DNAH7: variants seen among roughly 807,000 people sequenced by gnomAD.
The protein encoded by DNAH7 is axonemal beta dynein heavy chain 7.
A neutral mutation model predicts 444.6 loss-of-function variants in DNAH7; 397 were observed. The observed-to-expected ratio is 0.89, with a 90% CI of 0.82 to 0.97. The LOEUF is 0.97. Ranked by LOEUF, DNAH7 falls within the 50% of genes least tolerant of loss-of-function variation. The pLI is 0.00. For missense variants in DNAH7, 4,902 were observed against 4,800.8 expected, an observed-to-expected ratio of 1.02 and a Z score of -0.62; for synonymous variants, 1,636 against 1,624.4, an observed-to-expected ratio of 1.01 and a Z score of -0.17.
chr2:195,872,929 A>G (rs1700806476), intron 39 of DNAH7, among the ~76,000 whole-genome samples: 1 of 150,488 alleles, frequency 6.6e-6, no homozygotes, highest in Admixed American at 6.6e-5. Context: ...AAATAAGGAA[A>G]AGAGAAAAAA....
intron 6 of DNAH7, 112 bp downstream of exon 6, chr2:196,027,848 A>G (rs1695786162): frequency 8.0e-6 from 7 of 880,408 alleles, no homozygotes; most frequent in African/African-American, 6.9e-5. Flanking sequence ...ATTTATTCCT[A>G]TGTCCACAGA....
intron 15 of DNAH7, among the ~76,000 whole-genome samples, chr2:195,982,450 T>C (rs1353742887): frequency 6.6e-6 from 1 of 152,128 alleles, no homozygotes; most frequent in Non-Finnish European, 1.5e-5. Flanking sequence ...AAACTGAAGT[T>C]ACCATATGAT....
At chr2:195,957,839 T>C (rs1375850373) in intron 18 of DNAH7, among the ~76,000 whole-genome samples, 2 of 152,172 alleles carry the variant, frequency 1.3e-5, no homozygotes, top group African/African-American at 4.8e-5. Flanking sequence ...GTATATGTCA[T>C]AGCAATAAAC....
intron 3 of DNAH7, 59 bp from the exon 4 acceptor site, chr2:196,048,463 T>C: frequency 7.1e-7 from 1 of 1,407,468 alleles, no homozygotes. Context: ...CCTTTTTCCA[T>C]GAAATGCACG....
In DNAH7 at chr2:195,775,713, A is replaced by AT. The variant is rs1221792540; in HGVS notation, c.11202+132dup. On this transcript the variant is annotated intron_variant, in intron 60 of 64. Transcript: ENST00000312428. The stretch of plus-strand genomic sequence containing the variant: ...AAATCCTTATTTAAGTTATGTATGT[A>AT]TTTTTGTCTTTTCCTTTAAATGTTT... 3.1e-6 allele frequency: 3 copies of AT among 961,484 alleles called. No individual in the cohort carries two copies. In the African/African-American group the frequency reaches 5.1e-5, roughly 16 times the overall value. The allele number at this position is 961,484 out of a possible 1,614,324, so 59.6% of individuals were successfully genotyped here. A position where few individuals can be genotyped will look rare whatever the true frequency, so the allele number is the denominator to read the frequency against.
At chr2:196,033,345 A>G (rs1169007932) in intron 5 of DNAH7, among the ~76,000 whole-genome samples, 3 of 152,210 alleles carry the variant, frequency 2.0e-5, no homozygotes, top group Non-Finnish European at 4.4e-5. Flanking sequence ...TTTGAAATGC[A>G]CAATACATTT....
At chr2:196,019,327 T>A in intron 8 of DNAH7, 32 bp from the exon 9 acceptor site, 1 of 1,432,246 alleles carries the variant, frequency 7.0e-7, no homozygotes, top group East Asian at 2.4e-5. Flanking sequence ...AGTTACAGTC[T>A]CAAAAAAAGT....
chr2:196,029,788 G>C (rs1695925448), intron 5 of DNAH7, among the ~76,000 whole-genome samples: 1 of 152,150 alleles, frequency 6.6e-6, no homozygotes, highest in African/African-American at 2.4e-5. Flanking sequence ...ACGATCAATA[G>C]AGGAGACATG....
At chr2:195,986,059 C>A (rs1692886194) in intron 14 of DNAH7, among the ~76,000 whole-genome samples, 1 of 152,174 alleles carries the variant, frequency 6.6e-6, no homozygotes, top group Non-Finnish European at 1.5e-5. Context: ...CACTGTACAC[C>A]TGACGGACTC....
At chr2:196,045,104 AAGG>A (rs890799579) in intron 5 of DNAH7, among the ~76,000 whole-genome samples, 214 of 148,218 alleles carry the variant, frequency 1.4e-3, no homozygotes, top group African/African-American at 4.5e-3. Context: ...GGAGAAGGTG[AAGG>A]AGGAGGAGGA....
chr2:196,000,677 A>G, intron 12 of DNAH7, 27 bp downstream of exon 12: 1 of 1,451,992 alleles, frequency 6.9e-7, no homozygotes, highest in African/African-American at 1.4e-5. Context: ...TGCAAATTCA[A>G]GCAATCTTAA....
intron 63 of DNAH7, among the ~76,000 whole-genome samples, chr2:195,748,708 C>T (rs1693590007): frequency 6.6e-6 from 1 of 152,146 alleles, no homozygotes; most frequent in Non-Finnish European, 1.5e-5. Context: ...TGATCTTTGA[C>T]AAACCTGAGA....
intron 63 of DNAH7, among the ~76,000 whole-genome samples, chr2:195,743,023 C>T (rs1300322206): frequency 6.6e-6 from 1 of 152,226 alleles, no homozygotes; most frequent in African/African-American, 2.4e-5. Context: ...GCTTCCAGTT[C>T]AGCTAGAATA....
chr2:195,830,479 T>C (rs2124940978), intron 48 of DNAH7, among the ~76,000 whole-genome samples: 1 of 152,350 alleles, frequency 6.6e-6, no homozygotes, highest in South Asian at 2.1e-4. Flanking sequence ...TTCAACTCTG[T>C]AGCATATTTT....
At chr2:195,985,527 T>G (rs989205040) in intron 14 of DNAH7, among the ~76,000 whole-genome samples, 3 of 151,962 alleles carry the variant, frequency 2.0e-5, no homozygotes, top group Non-Finnish European at 2.9e-5. Context: ...GCCCTCTGAG[T>G]AGGTGGGAGA....
intron 58 of DNAH7, among the ~76,000 whole-genome samples, chr2:195,785,132 C>T (rs1035882069): frequency 2.2e-4 from 34 of 152,192 alleles, no homozygotes; most frequent in African/African-American, 7.2e-4. Context: ...AGGATGATCT[C>T]GATCTCCTGA....
At chr2:195,776,389 G>A in intron 59 of DNAH7, among the ~76,000 whole-genome samples, 1 of 151,918 alleles carries the variant, frequency 6.6e-6, no homozygotes, top group Admixed American at 6.6e-5. Flanking sequence ...GTTGCGGTGA[G>A]CTGAGATTGC....
intron 46 of DNAH7, among the ~76,000 whole-genome samples, chr2:195,847,832 G>T (rs928931087): frequency 2.0e-5 from 3 of 152,096 alleles, no homozygotes; most frequent in Admixed American, 2.0e-4. Context: ...CCTGCGAGTG[G>T]CTACGGCAGG....
At chr2:195,745,807 T>C (rs1693364959) in intron 63 of DNAH7, among the ~76,000 whole-genome samples, 1 of 152,154 alleles carries the variant, frequency 6.6e-6, no homozygotes, top group Admixed American at 6.5e-5. Context: ...TGCTGAGAGA[T>C]GTTGTCACCA....
Sources: allele counts gnomAD v4.1 joint callset (sites outside exome capture counted in the v4.1 genomes callset), GRCh38; gene constraint gnomAD v4.1.1; transcripts MANE v1.5; gene names NCBI Gene and HGNC (gene_info 2026-07-23, HGNC 2026-07-21).